SLC14A2: variants seen among roughly 807,000 people sequenced by gnomAD.
SLC14A2 encodes urea transporter 2.
Under a neutral mutation model 104.6 loss-of-function variants are expected in SLC14A2, and 91 were observed. The ratio of observed to expected loss-of-function variants is 0.87; its 90% CI spans 0.73 to 1.04. SLC14A2 has a LOEUF of 1.04. Among genes scored for constraint, SLC14A2 ranks in the 50% least tolerant of loss-of-function variants. The probability of loss-of-function intolerance (pLI) is 0.00; values close to 1 mark genes in which losing one functional copy is unlikely to be tolerated. For synonymous variants in SLC14A2, 476 were observed against 466.4 expected, an observed-to-expected ratio of 1.02 and a Z score of -0.27; for missense variants, 1,189 against 1,156.0, an observed-to-expected ratio of 1.03 and a Z score of -0.41.
the SLC14A2 span, among the ~76,000 whole-genome samples, chr18:45,180,219 G>A: frequency 6.6e-6 from 1 of 152,074 alleles, no homozygotes; most frequent in Non-Finnish European, 1.5e-5. Context: ...TGGGTTTTAA[G>A]TCCTGTCTCT....
chr18:45,365,180 C>T (rs1200866677), intron 1 of SLC14A2, among the ~76,000 whole-genome samples: 1 of 152,188 alleles, frequency 6.6e-6, no homozygotes, highest in African/African-American at 2.4e-5. Flanking sequence ...ACCTCTGCTT[C>T]TCCAGTGTCC....
Position 45,443,538 on chromosome 18 carries a change from T to A in SLC14A2, c.-124-39695T>A, listed in dbSNP as rs150549283. 1.0e-2 allele frequency among the ~76,000 whole-genome samples: 1,515 copies of A among 152,114 alleles called. 16 individuals carry two copies. The highest frequency in any genetic ancestry group is 0.024 in the African/African-American group (999 of 41,488). On this transcript the variant is annotated intron_variant, in intron 1 of 20. Transcript: ENST00000586448. ...AGTCAAAGAAGATAGGTCAGATAAT[T>A]TCTTGATGGCCATCTTGATTTACAC...
intron 1 of SLC14A2, among the ~76,000 whole-genome samples, chr18:45,284,353 G>A (rs570560051): frequency 6.6e-6 from 1 of 152,254 alleles, no homozygotes; most frequent in African/African-American, 2.4e-5. Context: ...CCAATGGGAG[G>A]CACTGTTGGG....
chr18:45,192,648 TTTTGTTTTG>T, the SLC14A2 span, among the ~76,000 whole-genome samples: 429 of 147,328 alleles, frequency 2.9e-3, 1 homozygote, highest in African/African-American at 0.01. Flanking sequence ...TTTTTTTTTG[TTTTGTTTTG>T]TTTTGTTTTG....
At chr18:45,575,099 C>T (rs921523456) in intron 2 of SLC14A2, among the ~76,000 whole-genome samples, 1 of 152,206 alleles carries the variant, frequency 6.6e-6, no homozygotes, top group African/African-American at 2.4e-5. Flanking sequence ...GGGCAGTGAA[C>T]TCCACGTGAG....
At chr18:45,407,866 T>G (rs1237477074) in intron 1 of SLC14A2, among the ~76,000 whole-genome samples, 1 of 152,102 alleles carries the variant, frequency 6.6e-6, no homozygotes, top group African/African-American at 2.4e-5. Context: ...TCCAAACAAT[T>G]ACAACAGTAA....
At chr18:45,195,883 T>C in the SLC14A2 span, among the ~76,000 whole-genome samples, 2 of 152,092 alleles carry the variant, frequency 1.3e-5, no homozygotes, top group South Asian at 4.1e-4. Flanking sequence ...AAGAAAAATA[T>C]GAGACAAATC....
intron 1 of SLC14A2, among the ~76,000 whole-genome samples, chr18:45,406,185 A>T (rs891531129): frequency 6.6e-6 from 1 of 152,194 alleles, no homozygotes; most frequent in Non-Finnish European, 1.5e-5. Flanking sequence ...TTTATTAACT[A>T]AGTTTATGAA....
intron 2 of SLC14A2, among the ~76,000 whole-genome samples, chr18:45,509,957 G>A (rs2043341410): frequency 6.6e-6 from 1 of 152,178 alleles, no homozygotes; most frequent in African/African-American, 2.4e-5. Context: ...AACAGAAGGG[G>A]AACCTGAAAT....
chr18:45,375,333 C>T (rs2085762355), intron 1 of SLC14A2, among the ~76,000 whole-genome samples: 1 of 152,190 alleles, frequency 6.6e-6, no homozygotes, highest in African/African-American at 2.4e-5. Context: ...AAGATCAGTG[C>T]TTGAGATACT....
chr18:45,196,198 C>A, the SLC14A2 span, among the ~76,000 whole-genome samples: 2 of 152,158 alleles, frequency 1.3e-5, no homozygotes, highest in African/African-American at 2.4e-5. Context: ...TCAGTATGTA[C>A]ACAGAAATAT....
At chr18:45,407,299 A>G (rs985879226) in intron 1 of SLC14A2, among the ~76,000 whole-genome samples, 1 of 152,030 alleles carries the variant, frequency 6.6e-6, no homozygotes, top group Non-Finnish European at 1.5e-5. Flanking sequence ...TCATGACCTA[A>G]CCTCTTCTAG....
At chr18:45,620,296 A>T (rs1431748012) in intron 1 of SLC14A2, among the ~76,000 whole-genome samples, 6 of 152,196 alleles carry the variant, frequency 3.9e-5, no homozygotes, top group African/African-American at 1.4e-4. Flanking sequence ...CGCAGTGGGG[A>T]ACTGGGTCTA....
intron 1 of SLC14A2, among the ~76,000 whole-genome samples, chr18:45,421,874 AC>A (rs1388018908): frequency 2.0e-5 from 3 of 152,236 alleles, no homozygotes; most frequent in Non-Finnish European, 4.4e-5. Context: ...TCATGCCTGG[AC>A]AAAAGTGCAT....
intron 1 of SLC14A2, among the ~76,000 whole-genome samples, chr18:45,472,948 G>T (rs982399528): frequency 2.0e-5 from 3 of 152,108 alleles, no homozygotes; most frequent in Admixed American, 6.6e-5. Flanking sequence ...TGAAGTCTTT[G>T]CCCATGCCTA....
chr18:45,506,442 A>G (rs2043286347), intron 2 of SLC14A2, among the ~76,000 whole-genome samples: 1 of 152,236 alleles, frequency 6.6e-6, no homozygotes. Context: ...AGTTCTACAC[A>G]GAACCTTGGA....
At chr18:45,275,181 C>T (rs1239410860) in intron 1 of SLC14A2, among the ~76,000 whole-genome samples, 2 of 151,740 alleles carry the variant, frequency 1.3e-5, no homozygotes, top group African/African-American at 2.4e-5. Context: ...CCTTATTATT[C>T]GACAAAAATG....
chr18:45,585,473 G>GAATA (rs2044552766), intron 2 of SLC14A2, among the ~76,000 whole-genome samples: 1 of 152,142 alleles, frequency 6.6e-6, no homozygotes, highest in Non-Finnish European at 1.5e-5. Flanking sequence ...ATGAATGAAT[G>GAATA]AATAAATGGG....
At chr18:45,209,180 C>CAAA (rs71372700), upstream of SLC14A2, among the ~76,000 whole-genome samples, 218 of 83,864 alleles carry the variant, frequency 2.6e-3, no homozygotes, top group South Asian at 5.3e-3. Context: ...ATTAAAAATA[C>CAAA]AAAAAAAAAA....
Sources: allele counts gnomAD v4.1 joint callset (sites outside exome capture counted in the v4.1 genomes callset), GRCh38; gene constraint gnomAD v4.1.1; transcripts MANE v1.5; gene names NCBI Gene and HGNC (gene_info 2026-07-23, HGNC 2026-07-21).